Variants in DENND2A observed in about 807,000 individuals in gnomAD.
DENND2A encodes the protein DENN domain containing 2A, also known as DENN domain-containing protein 2A.
DENND2A carries 53 observed loss-of-function variants against 105.3 expected under a neutral mutation model. The observed-to-expected ratio is 0.50, with a 90% CI of 0.40 to 0.63. The LOEUF is 0.63. Among genes scored for constraint, DENND2A ranks in the 30% least tolerant of loss-of-function variants. The pLI is 0.00. For synonymous variants in DENND2A, 522 were observed against 508.4 expected (o/e 1.03, Z -0.36); for missense variants, 1,138 against 1,279.6 (o/e 0.89, Z 1.69).
chr7:140,562,894 C>T (rs768371030), intron 9 of DENND2A, among the ~76,000 whole-genome samples: 7 of 152,196 alleles, frequency 4.6e-5, no homozygotes, highest in Non-Finnish European at 4.4e-5. Context: ...CTTCCATCCA[C>T]GATGACACAG....
rs748647301 is a variant in DENND2A at position 140,567,246 on chromosome 7, T to C, written c.1619A>G (p.Lys540Arg). ...KAHSQRLVNV[K>R]SRLKQAPRYP... ...CCGAGGCGCCTGCTTCAGCCGGGACTTCACGTTGACCAGGCGCTGGCTGTG... is the reference window on the plus strand; with the variant it reads ...CCGAGGCGCCTGCTTCAGCCGGGACCTCACGTTGACCAGGCGCTGGCTGTG... Residue 540 changes from lysine (K) to arginine (R), a missense_variant, in exon 9 of 20, where the codon AAG (lysine) becomes AGG (arginine). By Grantham distance (26) the Lys-to-Arg change is conservative. Coordinates refer to ENST00000496613, the MANE Select transcript of DENND2A (RefSeq NM_015689.5). 2.5e-6 allele frequency: 4 copies of C among 1,609,866 alleles called. No individual in the cohort carries two copies. Among genetic ancestry groups the C allele is most frequent in the Non-Finnish European group, 3.4e-6 (4 of 1,178,950 alleles).
chr7:140,557,250 A>T (rs898677838), intron 11 of DENND2A, among the ~76,000 whole-genome samples: 5 of 151,352 alleles, frequency 3.3e-5, no homozygotes, highest in Admixed American at 2.0e-4. Context: ...ACAAATAATT[A>T]AAAAATTAGC....
chr7:140,617,609 G>A (rs1317240263), intron 1 of DENND2A, among the ~76,000 whole-genome samples: 4 of 152,266 alleles, frequency 2.6e-5, no homozygotes, highest in Admixed American at 2.6e-4. Flanking sequence ...AGCTACTCGG[G>A]AGGCTGAGGG....
chr7:140,638,713 T>C (rs1478960437), intron 1 of DENND2A, among the ~76,000 whole-genome samples: 1 of 152,224 alleles, frequency 6.6e-6, no homozygotes, highest in Admixed American at 6.5e-5. Flanking sequence ...TCTTGGTGAC[T>C]TTGCACATTC....
chr7:140,641,435 A>C (rs1190237359), upstream of DENND2A: 1 of 152,264 alleles, frequency 6.6e-6, no homozygotes, highest in Non-Finnish European at 1.5e-5. Context: ...CACAGGCTGC[A>C]CAGCAGAAGT....
intron 9 of DENND2A, among the ~76,000 whole-genome samples, chr7:140,564,476 A>G (rs1797756860): frequency 6.6e-6 from 1 of 152,226 alleles, no homozygotes; most frequent in Non-Finnish European, 1.5e-5. Flanking sequence ...ACAAAAGAGT[A>G]CACGCAGCAC....
Position 140,527,527 on chromosome 7 carries a change from C to G in DENND2A, c.2328-32G>C, listed in dbSNP as rs562427753. 1.5e-5 allele frequency: 24 copies of G among 1,561,234 alleles called. No homozygotes were observed. In the African/African-American group the frequency reaches 2.6e-4, roughly 17 times the overall value. ...CCGGGGAGAGAACAGGGAGAGAGGCCGACTCAGCGAGGGCCCGAGGAAGCC... is the reference window on the plus strand; with the variant it reads ...CCGGGGAGAGAACAGGGAGAGAGGCGGACTCAGCGAGGGCCCGAGGAAGCC... On this transcript the variant is annotated intron_variant, in intron 14 of 19. Coordinates refer to ENST00000496613, the MANE Select transcript of DENND2A (RefSeq NM_015689.5). The surrounding 1 kb of genome is among the most constrained non-coding windows in gnomAD (Gnocchi z 4.9).
At chr7:140,539,606 C>T (rs1236382474) in intron 14 of DENND2A, among the ~76,000 whole-genome samples, 2 of 152,226 alleles carry the variant, frequency 1.3e-5, no homozygotes, top group Admixed American at 1.3e-4. Context: ...CTCCCACTCC[C>T]TGCTTCTTTG....
Position 140,585,584 on chromosome 7 carries a change from C to T in DENND2A, c.1245+5G>A. On this transcript the variant is annotated splice_donor_5th_base_variant and intron_variant, in intron 5 of 19. Transcript: ENST00000496613. The stretch of plus-strand genomic sequence containing the variant: ...CTCCTGCCACCATTCCCAGGGGACT[C>T]ATACCTTGGTGAGTGTGTCAGGGAT... 1 of 1,614,090 alleles carries T rather than the reference C, an allele frequency of 6.2e-7. No individual in the cohort carries two copies.
chr7:140,520,861 T>G (rs985259987), intron 18 of DENND2A, among the ~76,000 whole-genome samples: 5 of 145,080 alleles, frequency 3.4e-5, no homozygotes, highest in African/African-American at 5.2e-5. Context: ...GCCCGGCTTT[T>G]TCCAGGTAGT....
intron 2 of DENND2A, among the ~76,000 whole-genome samples, chr7:140,605,176 A>G (rs1458162420): frequency 2.0e-5 from 3 of 152,178 alleles, no homozygotes; most frequent in African/African-American, 4.8e-5. Context: ...TGCCAGCCCA[A>G]GAGTTTCTAG....
chr7:140,544,186 C>T, intron 14 of DENND2A: 1 of 263,524 alleles, frequency 3.8e-6, no homozygotes, highest in Non-Finnish European at 7.5e-6. Flanking sequence ...GCCACCGTGC[C>T]TGGCCATCCT....
Position 140,601,475 on chromosome 7 carries a change from G to T in DENND2A, c.923C>A (p.Pro308His). Residue 308 changes from proline to histidine, a missense_variant, in exon 3 of 20, where the codon CCC becomes CAC. By Grantham distance (77) the Pro-to-His change is moderately conservative. Coordinates refer to ENST00000496613, the MANE Select transcript of DENND2A (RefSeq NM_015689.5). ...CACAGAGGAAGGTGGGGGAGAGGAG[G>T]GCAGAGGCGGGGGAGGTAGAGAGGG... ...PLPSLPPPPL[P>H]SSPPPSSVNR... 4.3e-6 allele frequency: 7 copies of T among 1,613,978 alleles called. No individual in the cohort carries two copies. Among genetic ancestry groups the T allele is most frequent in the Non-Finnish European group, 5.9e-6 (7 of 1,179,938 alleles).
chr7:140,637,372 G>C (rs1318892694), intron 1 of DENND2A, among the ~76,000 whole-genome samples: 1 of 152,238 alleles, frequency 6.6e-6, no homozygotes, highest in African/African-American at 2.4e-5. Context: ...CATTAGCAAT[G>C]TATGGACATA....
At chr7:140,612,886 G>A (rs970817525) in intron 1 of DENND2A, among the ~76,000 whole-genome samples, 2 of 151,696 alleles carry the variant, frequency 1.3e-5, no homozygotes, top group East Asian at 2.0e-4. Context: ...AGACTGAGGC[G>A]GGTGGATCAC....
chr7:140,589,752 C>T (rs538855270), intron 3 of DENND2A, among the ~76,000 whole-genome samples: 29 of 152,248 alleles, frequency 1.9e-4, no homozygotes, highest in Admixed American at 1.2e-3. Flanking sequence ...CTTCAGCCTC[C>T]GGAGTAGCTG....
At chr7:140,635,285 A>G (rs1800883042) in intron 1 of DENND2A, among the ~76,000 whole-genome samples, 1 of 152,170 alleles carries the variant, frequency 6.6e-6, no homozygotes, top group African/African-American at 2.4e-5. Context: ...AATAAAAATA[A>G]ATAAATAAGT....
intron 1 of DENND2A, among the ~76,000 whole-genome samples, chr7:140,629,343 C>T (rs1229014940): frequency 6.6e-6 from 1 of 152,042 alleles, no homozygotes; most frequent in Non-Finnish European, 1.5e-5. Flanking sequence ...GAGGTAGCGC[C>T]TGGTGGCCAA....
At chr7:140,590,160 C>T (rs973731610) in intron 3 of DENND2A, among the ~76,000 whole-genome samples, 4 of 152,034 alleles carry the variant, frequency 2.6e-5, no homozygotes, top group Non-Finnish European at 4.4e-5. Flanking sequence ...GAGGCCGAGG[C>T]GGGCGGATCA....
Sources: gnomAD v4.1 joint callset for allele counts (sites outside exome capture counted in the v4.1 genomes callset) on GRCh38, gnomAD v4.1.1 for gene constraint, Gnocchi (gnomAD v3.1) non-coding constraint, MANE v1.5 for transcripts, NCBI Gene and HGNC (gene_info 2026-07-23, HGNC 2026-07-21) for gene names.